FAM114A2: variants seen among roughly 807,000 people sequenced by gnomAD.
FAM114A2 encodes family with sequence similarity 114 member A2, also known as protein FAM114A2.
In FAM114A2, 53 loss-of-function variants were observed where a neutral mutation model predicts 58.4. The ratio of observed to expected loss-of-function variants is 0.91; its 90% CI spans 0.73 to 1.14. The LOEUF is 1.14. Among genes scored for constraint, FAM114A2 ranks in the 50% most tolerant of loss-of-function variants. The pLI is 0.00. For missense variants in FAM114A2, 601 were observed against 581.1 expected (o/e 1.03, Z -0.35); for synonymous variants, 228 against 211.4 (o/e 1.08, Z -0.68).
At chr5:153,998,005 T>G (rs890609572) in intron 11 of FAM114A2, 130 bp from the exon 12 acceptor site, 3 of 580,838 alleles carry the variant, frequency 5.2e-6, no homozygotes, top group Non-Finnish European at 9.2e-6. Context: ...TTCAAGGGAG[T>G]AAATACAGTA....
rs913727847 is a variant in FAM114A2 at position 154,028,168 on chromosome 5, C to T, written c.611G>A (p.Arg204Gln). ...CAGTACCTGAGATAGTGTAGCATTTCGGTTCATCAGACCCTTGGTTCTTTT... is the reference window on the plus strand; with the variant it reads ...CAGTACCTGAGATAGTGTAGCATTTTGGTTCATCAGACCCTTGGTTCTTTT... ...GFKRTKGLMNRNATLSQVLRE... is the reference protein window; with the variant it reads ...GFKRTKGLMNQNATLSQVLRE... The change falls in exon 6 of 14, where the codon CGA becomes CAA. Residue 204 changes from arginine (R) to glutamine (Q), a missense_variant. Transcript: ENST00000351797. 3 of 1,611,760 alleles carry T rather than the reference C, an allele frequency of 1.9e-6. No individual in the cohort carries two copies. Among genetic ancestry groups the T allele is most frequent in the Middle Eastern group, 1.7e-4 (1 of 6,044 alleles).
chr5:154,018,106 A>G (rs1581803499), intron 8 of FAM114A2, among the ~76,000 whole-genome samples: 1 of 152,312 alleles, frequency 6.6e-6, no homozygotes, highest in Admixed American at 6.5e-5. Context: ...CAAAAATACA[A>G]AAGACAACTG....
chr5:154,021,189 C>G (rs1382683347), intron 8 of FAM114A2, among the ~76,000 whole-genome samples: 2 of 152,162 alleles, frequency 1.3e-5, no homozygotes, highest in Non-Finnish European at 2.9e-5. Flanking sequence ...CAGCCAGTAT[C>G]ATACTGAATG....
intron 5 of FAM114A2, among the ~76,000 whole-genome samples, 158 bp downstream of exon 5, chr5:154,029,331 T>C (rs899856197): frequency 1.3e-5 from 2 of 152,222 alleles, no homozygotes; most frequent in African/African-American, 4.8e-5. Context: ...CAAGTAGCAT[T>C]CACTCCACCC....
chr5:154,025,585 G>A (rs1458797620), intron 8 of FAM114A2, among the ~76,000 whole-genome samples: 1 of 151,988 alleles, frequency 6.6e-6, no homozygotes, highest in Non-Finnish European at 1.5e-5. Context: ...CTACTACATG[G>A]GTGATTGGCC....
rs1476997362 is a variant in FAM114A2 at position 154,034,413 on chromosome 5, G to A, written c.211-36C>T. 3.1e-6 allele frequency: 4 copies of A among 1,299,500 alleles called. No individual in the cohort carries two copies. The Admixed American group carries it at 6.8e-5, about 22-fold the overall frequency. 80.5% of individuals were successfully genotyped at this position (1,299,500 alleles called of 1,614,324 possible). A position where few individuals can be genotyped will look rare whatever the true frequency, so the allele number is the denominator to read the frequency against. On this transcript the variant is annotated intron_variant, in intron 2 of 13. Transcript: ENST00000351797. ...AGTAGGCAGAAAAACAAAAGGCAAA[G>A]AAAAATGAAAAAATTAGAGGAAAAT...
intron 1 of FAM114A2, chr5:154,038,456 A>G (rs969634111): frequency 2.0e-5 from 3 of 152,166 alleles, no homozygotes; most frequent in African/African-American, 7.2e-5. Context: ...CAGTGACGCG[A>G]TATGTGAGGG....
At chr5:154,031,311 C>T (rs1481798322) in intron 4 of FAM114A2, among the ~76,000 whole-genome samples, 1 of 4,226 alleles carries the variant, frequency 2.4e-4, no homozygotes, top group Non-Finnish European at 3.7e-4. Context: ...GACTCCCTCT[C>T]CAAAAAAAAA....
At chr5:154,021,713 C>T (rs1243429348) in intron 8 of FAM114A2, among the ~76,000 whole-genome samples, 1 of 152,146 alleles carries the variant, frequency 6.6e-6, no homozygotes, top group Non-Finnish European at 1.5e-5. Context: ...GTGAAAATGG[C>T]CATACTGCCC....
intron 2 of FAM114A2, 151 bp from the exon 3 acceptor site, chr5:154,034,528 T>C: frequency 1.6e-6 from 1 of 637,832 alleles, no homozygotes; most frequent in East Asian, 2.7e-5. Flanking sequence ...ATTGCTTGAC[T>C]GGCAGATATA....
In FAM114A2 at chr5:154,034,288, TA is replaced by T. The variant is rs769853289; in HGVS notation, c.299del (p.Val100GlufsTer4). The T allele has an allele frequency of 1.9e-5, 30 of 1,580,622 alleles. No homozygotes were observed. Among genetic ancestry groups the T allele is most frequent in the Non-Finnish European group, 2.4e-5 (28 of 1,161,864 alleles). On this transcript the variant is annotated frameshift_variant, in exon 3 of 14. Transcript: ENST00000351797. LOFTEE classifies it high-confidence loss of function. ...GACTGATGATCTTACCTACTGTAGC[TA>T]CTGTAGCCGAGGCTGAGGAGAGTAT... Reference protein sequence around the residue: ...KSILSSASATVATVGQGISNV... With the variant: ...KSILSSASATXATVGQGISNV...
intron 9 of FAM114A2, among the ~76,000 whole-genome samples, chr5:154,008,110 G>A (rs1770464199): frequency 6.6e-6 from 1 of 152,100 alleles, no homozygotes. Context: ...AGTGAAAAAA[G>A]CAGAGCGCTA....
intron 9 of FAM114A2, among the ~76,000 whole-genome samples, chr5:154,008,940 T>C (rs935631348): frequency 6.6e-6 from 1 of 152,154 alleles, no homozygotes; most frequent in Non-Finnish European, 1.5e-5. Context: ...TAGGGATGGA[T>C]TAAAATTGGA....
intron 1 of FAM114A2, chr5:154,036,616 A>G (rs913451930): frequency 1.3e-5 from 2 of 152,222 alleles, no homozygotes; most frequent in Non-Finnish European, 2.9e-5. Flanking sequence ...ATTCAGTCCA[A>G]CACACAAAAT....
At position 154,027,213 on chromosome 5, in the gene FAM114A2, T is replaced by C. The variant is rs777567223; in HGVS notation, c.752A>G (p.Glu251Gly). The C allele has an allele frequency of 3.1e-6, 5 of 1,613,360 alleles. No individual in the cohort carries two copies. Among genetic ancestry groups the C allele is most frequent in the Non-Finnish European group, 4.2e-6 (5 of 1,179,694 alleles). ...FDEFQGLSHL[E>G]ALEMLSQESE... ...TTCTTGGGAAAGCATCTCCAGAGCTTCTAGATGTGAAAGGCCTTGAAATTC... is the reference window on the plus strand; with the variant it reads ...TTCTTGGGAAAGCATCTCCAGAGCTCCTAGATGTGAAAGGCCTTGAAATTC... The change falls in exon 7 of 14, where the codon GAA (glutamate) becomes GGA (glycine). Residue 251 changes from glutamate to glycine, a missense_variant. By Grantham distance (98) the Glu-to-Gly change is moderately conservative (BLOSUM62 -2). Transcript: ENST00000351797.
At chr5:154,029,954 T>C (rs773812060) in intron 4 of FAM114A2, among the ~76,000 whole-genome samples, 1 of 152,154 alleles carries the variant, frequency 6.6e-6, no homozygotes, top group African/African-American at 2.4e-5. Context: ...TGAGAGAACC[T>C]TTTTGGGGTA....
intron 8 of FAM114A2, among the ~76,000 whole-genome samples, chr5:154,013,212 A>G (rs797012167): frequency 1.5e-4 from 23 of 152,300 alleles, no homozygotes; most frequent in African/African-American, 5.5e-4. Context: ...ATGTGTAAGG[A>G]TGGAAAAGAG....
intron 1 of FAM114A2, among the ~76,000 whole-genome samples, chr5:154,036,030 G>T (rs1040057083): frequency 1.3e-5 from 2 of 151,908 alleles, no homozygotes; most frequent in Non-Finnish European, 2.9e-5. Context: ...TTTCTAATGA[G>T]ATTTTTTTTT....
intron 8 of FAM114A2, among the ~76,000 whole-genome samples, chr5:154,023,923 A>T (rs1332436046): frequency 6.6e-6 from 1 of 152,196 alleles, no homozygotes; most frequent in South Asian, 2.1e-4. Context: ...GAATCCACAC[A>T]GTTAACTTTA....
Sources: gnomAD v4.1 joint callset for allele counts (sites outside exome capture counted in the v4.1 genomes callset) on GRCh38, gnomAD v4.1.1 for gene constraint, MANE v1.5 for transcripts, NCBI Gene and HGNC (gene_info 2026-07-23, HGNC 2026-07-21) for gene names.